NIPA1: variants seen among roughly 807,000 people sequenced by gnomAD.
NIPA1 encodes the protein NIPA magnesium transporter 1.
A neutral mutation model predicts 23.9 loss-of-function variants in NIPA1; 13 were observed. The ratio of observed to expected loss-of-function variants is 0.54; its 90% CI spans 0.35 to 0.87. NIPA1 has a LOEUF of 0.87. NIPA1 is among the 40% of genes least tolerant of loss of function. The pLI is 0.01. For missense variants in NIPA1, 362 were observed against 429.7 expected (o/e 0.84, Z 1.39); for synonymous variants, 234 against 202.9 (o/e 1.15, Z -1.30).
chr15:22,817,988 A>C (rs1429654421), intron 3 of NIPA1, among the ~76,000 whole-genome samples: 2 of 152,148 alleles, frequency 1.3e-5, no homozygotes, highest in African/African-American at 2.4e-5. Flanking sequence ...AGGCAGGTGG[A>C]TCACGAAGGG....
chr15:22,794,083 T>G (rs1482618070), intron 1 of NIPA1, among the ~76,000 whole-genome samples: 1 of 151,978 alleles, frequency 6.6e-6, no homozygotes, highest in African/African-American at 2.4e-5. Flanking sequence ...TTTTTTTTTC[T>G]ATTTCCCTGA....
chr15:22,820,247 C>G, intron 3 of NIPA1, 66 bp from the exon 4 acceptor site: 1 of 1,105,814 alleles, frequency 9.0e-7, no homozygotes, highest in Non-Finnish European at 1.4e-6. Context: ...GATAAAATAT[C>G]TGCTGTTAGA....
intron 1 of NIPA1, among the ~76,000 whole-genome samples, chr15:22,807,782 T>TTGTGTGTGTGTGTGTCTG (rs1555372970): frequency 1.4e-5 from 2 of 145,826 alleles, no homozygotes; most frequent in African/African-American, 5.3e-5. Flanking sequence ...TTAAATTCAC[T>TTGTGTGTGTGTGTGTCTG]TGTGTGTGTG....
At position 22,810,738 on chromosome 15, in the gene NIPA1, AT is replaced by A. The variant is rs1895300700; in HGVS notation, c.179-5del. 3 of 1,590,562 alleles carry A rather than the reference AT, an allele frequency of 1.9e-6. No homozygotes were observed. Among genetic ancestry groups the A allele is most frequent in the Admixed American group, 1.7e-5 (1 of 59,942 alleles). Reference sequence around the variant, plus strand: ...CCACTTTTCTGACATTTTTTATCTCATTTTTTATAGGTACTTCCTATTTAAC... The same window carrying A: ...CCACTTTTCTGACATTTTTTATCTCATTTTTATAGGTACTTCCTATTTAAC... On this transcript the variant is annotated splice_polypyrimidine_tract_variant and intron_variant, in intron 1 of 4. Coordinates refer to ENST00000337435, the MANE Select transcript of NIPA1 (RefSeq NM_144599.5).
At chr15:22,792,580 G>C (rs536268348) in intron 1 of NIPA1, among the ~76,000 whole-genome samples, 2 of 152,104 alleles carry the variant, frequency 1.3e-5, no homozygotes, top group African/African-American at 4.8e-5. Flanking sequence ...GAATGGTCTC[G>C]ATCTCCTGAC....
At chr15:22,790,761 T>C (rs953041588) in intron 1 of NIPA1, among the ~76,000 whole-genome samples, 3 of 152,078 alleles carry the variant, frequency 2.0e-5, no homozygotes, top group African/African-American at 7.3e-5. Flanking sequence ...GTGTTGAGAA[T>C]ACAGCAGTTT....
chr15:22,795,079 G>A (rs1010266004), intron 1 of NIPA1, among the ~76,000 whole-genome samples: 22 of 152,054 alleles, frequency 1.4e-4, no homozygotes, highest in African/African-American at 5.1e-4. Flanking sequence ...AAAGGATTTC[G>A]GAGCTGTCTT....
chr15:22,797,920 C>T (rs1894976140), intron 1 of NIPA1, among the ~76,000 whole-genome samples: 1 of 151,342 alleles, frequency 6.6e-6, no homozygotes, highest in Non-Finnish European at 1.5e-5. Flanking sequence ...TCTCGGCTCA[C>T]TGCAAGCTCC....
At chr15:22,799,526 T>C (rs982256469) in intron 1 of NIPA1, among the ~76,000 whole-genome samples, 1 of 151,994 alleles carries the variant, frequency 6.6e-6, no homozygotes, top group East Asian at 1.9e-4. Flanking sequence ...CTCACACCTG[T>C]AATCCCAGCA....
Position 22,823,910 on chromosome 15 carries a change from C to G in NIPA1, c.661C>G (p.Pro221Ala), listed in dbSNP as rs751013452. 1.2e-6 allele frequency: 2 copies of G among 1,614,080 alleles called. No homozygotes were observed. Among genetic ancestry groups the G allele is most frequent in the African/African-American group, 2.7e-5 (2 of 74,956 alleles). The change falls in exon 5 of 5, where the codon CCG (proline) becomes GCG (alanine). Residue 221 changes from proline to alanine, a missense_variant. By Grantham distance (27) the Pro-to-Ala change is conservative. This residue lies in a region of NIPA1 where 277 missense variants were observed against 372.0 expected (regional missense o/e 0.74). Transcript: ENST00000337435. ...GGCCCAAGACATCTTGCATAACAAC[C>G]CGTCCAGTCAGAGAGCCCTCTGCCT... Reference protein sequence around the residue: ...LAAQDILHNNPSSQRALCLCL... With the variant: ...LAAQDILHNNASSQRALCLCL...
rs185593265 is a variant in NIPA1 at position 22,806,299 on chromosome 15, A to G, written c.179-4450A>G. The stretch of plus-strand genomic sequence containing the variant: ...TCTAAAGCCACATGCCCCTGGTTGG[A>G]CAGCATCACTGTCAGTTGATACTGT... On this transcript the variant is annotated intron_variant, in intron 1 of 4. Transcript: ENST00000337435. Among the ~76,000 whole-genome samples, 52 of 152,334 alleles carry G rather than the reference A, an allele frequency of 3.4e-4. 1 individual carries two copies. The highest frequency in any genetic ancestry group is 1.3e-3 in the African/African-American group (52 of 41,576).
chr15:22,793,278 T>G (rs990550777), intron 1 of NIPA1, among the ~76,000 whole-genome samples: 42 of 137,374 alleles, frequency 3.1e-4, no homozygotes, highest in African/African-American at 1.1e-3. Context: ...GAACCTGGGC[T>G]GCAGAGGTTG....
intron 1 of NIPA1, among the ~76,000 whole-genome samples, chr15:22,796,774 G>T (rs958918029): frequency 6.6e-6 from 1 of 152,176 alleles, no homozygotes; most frequent in Non-Finnish European, 1.5e-5. Flanking sequence ...GCCAGGGCTG[G>T]TCTGAGAGGC....
chr15:22,787,393 A>G (rs996659917), intron 1 of NIPA1, among the ~76,000 whole-genome samples: 4 of 152,206 alleles, frequency 2.6e-5, no homozygotes, highest in Non-Finnish European at 5.9e-5. Context: ...GCGGGCTCTC[A>G]GGGCTGTGCG....
chr15:22,811,262 G>A (rs1895309465), intron 2 of NIPA1, among the ~76,000 whole-genome samples: 2 of 152,086 alleles, frequency 1.3e-5, no homozygotes, highest in African/African-American at 4.8e-5. Flanking sequence ...AATAATATTA[G>A]AGTTCAGAAC....
At chr15:22,812,868 C>T (rs943816551) in intron 3 of NIPA1, among the ~76,000 whole-genome samples, 4 of 152,074 alleles carry the variant, frequency 2.6e-5, no homozygotes, top group Non-Finnish European at 5.9e-5. Flanking sequence ...TCTTCTGACA[C>T]CTTGGCAAGT....
chr15:22,793,377 A>AAG (rs1311885821), intron 1 of NIPA1, among the ~76,000 whole-genome samples: 1 of 151,372 alleles, frequency 6.6e-6, no homozygotes, highest in African/African-American at 2.4e-5. Flanking sequence ...AAAAAAAAAA[A>AAG]AGAGAATACA....
At chr15:22,787,180 C>T (rs1441248396) in intron 1 of NIPA1, among the ~76,000 whole-genome samples, 1 of 152,092 alleles carries the variant, frequency 6.6e-6, no homozygotes, top group Non-Finnish European at 1.5e-5. Flanking sequence ...CTGCCCCGCG[C>T]CGCCCGGCAG....
At chr15:22,796,921 T>G (rs537809641) in intron 1 of NIPA1, among the ~76,000 whole-genome samples, 1 of 152,346 alleles carries the variant, frequency 6.6e-6, no homozygotes, top group South Asian at 2.1e-4. Context: ...AAAAGCATTT[T>G]TTCCTGATTG....
Sources: allele counts gnomAD v4.1 joint callset (sites outside exome capture counted in the v4.1 genomes callset), GRCh38; gene constraint gnomAD v4.1.1; regional missense constraint gnomAD v4.1.1; transcripts MANE v1.5; gene names NCBI Gene and HGNC (gene_info 2026-07-23, HGNC 2026-07-21).